UVRAG: variants seen among roughly 807,000 people sequenced by gnomAD.
The protein encoded by UVRAG is UV radiation resistance-associated gene protein.
A neutral mutation model predicts 78.0 loss-of-function variants in UVRAG; 19 were observed. The observed-to-expected ratio is 0.24, with a 90% confidence interval of 0.17 to 0.36. The LOEUF (loss-of-function observed/expected upper bound fraction) is 0.36, where lower values mean the gene tolerates loss of function less well. UVRAG is among the 10% of genes least tolerant of loss of function. UVRAG has a pLI of 1.00. For synonymous variants in UVRAG, 323 were observed against 324.6 expected (o/e 1.00, Z 0.05); for missense variants, 740 against 853.8 (o/e 0.87, Z 1.66).
chr11:76,009,260 T>G (rs1295339651), intron 11 of UVRAG, among the ~76,000 whole-genome samples: 1 of 152,174 alleles, frequency 6.6e-6, no homozygotes, highest in African/African-American at 2.4e-5. Context: ...ACTGCTGACC[T>G]GAAAAGTATT....
chr11:75,926,590 A>G (rs1230531213), intron 6 of UVRAG, among the ~76,000 whole-genome samples: 2 of 152,222 alleles, frequency 1.3e-5, no homozygotes, highest in East Asian at 3.8e-4. Context: ...AGATGATCTT[A>G]TATTGCATTA....
chr11:76,065,760 T>C lies in UVRAG; in HGVS notation c.1277T>C (p.Val426Ala). The part of the protein sequence containing the change: ...GGEKLQFDYG[V>A]YLLNKNIAQL... Reference sequence around the variant, plus strand: ...GAGAAGTTGCAGTTTGATTATGGTGTCTATCTTCTGAACAAAAATATAGCA... The same window carrying C: ...GAGAAGTTGCAGTTTGATTATGGTGCCTATCTTCTGAACAAAAATATAGCA... Residue 426 changes from valine (V) to alanine (A), a missense_variant, in exon 13 of 15, where the codon GTC becomes GCC. Coordinates refer to ENST00000356136, the MANE Select transcript of UVRAG (RefSeq NM_003369.4). 2 of 1,613,990 alleles carry C rather than the reference T, an allele frequency of 1.2e-6. No individual in the cohort carries two copies. The highest frequency in any genetic ancestry group is 1.7e-6 in the Non-Finnish European group (2 of 1,179,972).
chr11:76,139,546 T>C (rs1183404733), intron 14 of UVRAG, among the ~76,000 whole-genome samples: 3 of 152,184 alleles, frequency 2.0e-5, no homozygotes, highest in Admixed American at 6.5e-5. Flanking sequence ...TAACCCTCTA[T>C]GCGTGTTTCC....
intron 8 of UVRAG, among the ~76,000 whole-genome samples, chr11:75,988,589 G>T (rs1949544963): frequency 6.6e-6 from 1 of 152,100 alleles, no homozygotes; most frequent in South Asian, 2.1e-4. Flanking sequence ...CCCTTGTGTG[G>T]GTATATTCTC....
intron 6 of UVRAG, among the ~76,000 whole-genome samples, chr11:75,930,056 C>CT (rs965499086): frequency 2.0e-5 from 3 of 152,116 alleles, no homozygotes; most frequent in Non-Finnish European, 4.4e-5. Flanking sequence ...CTAGTCACAA[C>CT]TTTTTTTGAT....
At chr11:76,028,125 A>T (rs1219318284) in intron 12 of UVRAG, among the ~76,000 whole-genome samples, 13 of 152,054 alleles carry the variant, frequency 8.5e-5, no homozygotes, top group Admixed American at 8.5e-4. Flanking sequence ...CAAGCTTTTC[A>T]TTATTATTAT....
rs11825236 is a variant in UVRAG at position 76,129,381 on chromosome 11, C to T, written c.1398-11330C>T. ...TCTGAATGCTCCTTCTTATCTCATT[C>T]GGAGGGTCCTCTTCCTCTACCTCAT... On this transcript the variant is annotated intron_variant, in intron 14 of 14. Transcript: ENST00000356136. Among the ~76,000 whole-genome samples, 898 of 152,316 alleles carry T rather than the reference C, an allele frequency of 5.9e-3. 4 individuals carry two copies. The highest frequency in any genetic ancestry group is 0.017 in the African/African-American group (700 of 41,556).
intron 13 of UVRAG, 125 bp from the exon 14 acceptor site, chr11:76,115,799 A>G (rs1952166575): frequency 2.4e-6 from 2 of 831,286 alleles, no homozygotes; most frequent in Admixed American, 2.2e-5. Context: ...TGTGAGGCTG[A>G]TAATAGTATC....
At chr11:75,888,785 A>G in intron 4 of UVRAG, 44 bp from the exon 5 acceptor site, 2 of 1,520,782 alleles carry the variant, frequency 1.3e-6, no homozygotes, top group Non-Finnish European at 1.8e-6. Flanking sequence ...TTAAAACATG[A>G]TCGGAATAAA....
chr11:75,888,967 G>C, intron 5 of UVRAG, 64 bp downstream of exon 5: 1 of 1,345,086 alleles, frequency 7.4e-7, no homozygotes, highest in Non-Finnish European at 1.0e-6. Context: ...AGGTGTACAG[G>C]GTAGATATAA....
intron 8 of UVRAG, among the ~76,000 whole-genome samples, chr11:76,000,136 C>T (rs1949783266): frequency 6.6e-6 from 1 of 152,086 alleles, no homozygotes; most frequent in African/African-American, 2.4e-5. Context: ...AGAAATGGAA[C>T]ATACTGAAAA....
chr11:75,879,584 A>G (rs1329310599), intron 3 of UVRAG, among the ~76,000 whole-genome samples: 1 of 152,236 alleles, frequency 6.6e-6, no homozygotes, highest in African/African-American at 2.4e-5. Flanking sequence ...GTTGGCTGTT[A>G]ATAATCACGT....
intron 1 of UVRAG, among the ~76,000 whole-genome samples, chr11:75,851,244 T>C (rs1191485254): frequency 1.3e-5 from 2 of 152,226 alleles, no homozygotes; most frequent in African/African-American, 2.4e-5. Flanking sequence ...TCTAAACTTA[T>C]GATTTCAAAT....
In UVRAG at chr11:75,994,760, C is replaced by T. The variant is rs149518065; in HGVS notation, c.827-9245C>T. On this transcript the variant is annotated intron_variant, in intron 8 of 14. Transcript: ENST00000356136. ...CCTGTCTTGTTTCCACTAAACGAAA[C>T]GTCATTACTGCTTTCTCTAGTATGT... 4.2e-3 allele frequency among the ~76,000 whole-genome samples: 632 copies of T among 152,254 alleles called. 4 individuals are homozygous for T. The highest frequency in any genetic ancestry group is 0.015 in the African/African-American group (608 of 41,540).
At chr11:76,121,414 C>G (rs1952273306) in intron 14 of UVRAG, among the ~76,000 whole-genome samples, 1 of 152,204 alleles carries the variant, frequency 6.6e-6, no homozygotes, top group African/African-American at 2.4e-5. Context: ...TTGAAAGTCA[C>G]CAGAATGTCA....
chr11:76,058,587 T>G (rs1951025562), intron 12 of UVRAG, among the ~76,000 whole-genome samples: 2 of 152,052 alleles, frequency 1.3e-5, no homozygotes, highest in Non-Finnish European at 2.9e-5. Context: ...TGATTTAATT[T>G]TGGTCACTTC....
chr11:76,024,431 T>A (rs1950295429), intron 12 of UVRAG, among the ~76,000 whole-genome samples: 1 of 152,184 alleles, frequency 6.6e-6, no homozygotes, highest in Non-Finnish European at 1.5e-5. Context: ...TTTTGGTGAA[T>A]GAATTTTATA....
chr11:75,947,960 G>A (rs1948615125), intron 6 of UVRAG, among the ~76,000 whole-genome samples: 1 of 152,078 alleles, frequency 6.6e-6, no homozygotes. Context: ...ACTGTATTAG[G>A]CCTCAGGTTT....
intron 6 of UVRAG, among the ~76,000 whole-genome samples, chr11:75,936,490 A>G (rs1425165146): frequency 6.6e-6 from 1 of 152,216 alleles, no homozygotes; most frequent in Non-Finnish European, 1.5e-5. Context: ...CAATGTAGAC[A>G]CATGGATTCC....
Sources: allele counts gnomAD v4.1 joint callset (sites outside exome capture counted in the v4.1 genomes callset), GRCh38; gene constraint gnomAD v4.1.1; transcripts MANE v1.5; gene names NCBI Gene and HGNC (gene_info 2026-07-23, HGNC 2026-07-21).